Variants in SDCCAG8 observed in about 807,000 individuals in gnomAD.
The protein encoded by SDCCAG8 is SHH signaling and ciliogenesis regulator SDCCAG8.
A neutral mutation model predicts 101.8 loss-of-function variants in SDCCAG8; 74 were observed. That is an observed-to-expected ratio of 0.73 (90% confidence interval 0.60 to 0.88). SDCCAG8 has a LOEUF of 0.88. SDCCAG8 is among the 40% of genes least tolerant of loss of function. SDCCAG8 has a pLI of 0.00. For synonymous variants in SDCCAG8, 281 were observed against 292.9 expected, an observed-to-expected ratio of 0.96 and a Z score of 0.41; for missense variants, 787 against 822.6, an observed-to-expected ratio of 0.96 and a Z score of 0.53.
chr1:243,364,888 T>TA (rs1379046874), intron 12 of SDCCAG8, among the ~76,000 whole-genome samples: 26 of 152,312 alleles, frequency 1.7e-4, no homozygotes, highest in African/African-American at 5.5e-4. Flanking sequence ...GAATAAGTCT[T>TA]ACATTTGTTC....
chr1:243,273,081 C>T (rs2068227325), intron 3 of SDCCAG8, among the ~76,000 whole-genome samples: 1 of 152,124 alleles, frequency 6.6e-6, no homozygotes. Context: ...GAACCTATTG[C>T]TATTAATGGA....
At chr1:243,311,507 A>G (rs763335345) in intron 8 of SDCCAG8, among the ~76,000 whole-genome samples, 2 of 152,220 alleles carry the variant, frequency 1.3e-5, no homozygotes, top group Non-Finnish European at 2.9e-5. Context: ...GCCTTTAACA[A>G]TATTGGTAAC....
intron 16 of SDCCAG8, among the ~76,000 whole-genome samples, chr1:243,485,096 G>C (rs1664537506): frequency 6.6e-6 from 1 of 152,070 alleles, no homozygotes; most frequent in African/African-American, 2.4e-5. Context: ...AGCAAGGCTT[G>C]GTTCGTTTGG....
At chr1:243,273,885 A>G (rs964454526) in intron 3 of SDCCAG8, among the ~76,000 whole-genome samples, 6 of 152,210 alleles carry the variant, frequency 3.9e-5, no homozygotes, top group Non-Finnish European at 7.3e-5. Flanking sequence ...TGTGCTTTTT[A>G]TAACCACTTT....
Position 243,308,004 on chromosome 1 carries a change from A to C in SDCCAG8, c.756A>C (p.Glu252Asp). The C allele has an allele frequency of 6.2e-7, 1 of 1,614,040 alleles. No homozygotes were observed. Among genetic ancestry groups the C allele is most frequent in the East Asian group, 2.2e-5 (1 of 44,878 alleles). ...CTCTTTTTAGGAACGACTTAGCTGA[A>C]TATCAGAGAACTTGTGAAGATCTTA... ...QLKFLRNDLAEYQRTCEDLKE... is the reference protein window; with the variant it reads ...QLKFLRNDLADYQRTCEDLKE... The change falls in exon 8 of 18, where the codon GAA becomes GAC. Residue 252 changes from glutamate (E) to aspartate (D), a missense_variant. Physicochemically the swap from Glu to Asp is conservative, Grantham distance 45 (BLOSUM62 2). Coordinates refer to ENST00000366541, the MANE Select transcript of SDCCAG8 (RefSeq NM_006642.5).
At chr1:243,332,493 T>C (rs920832643) in intron 10 of SDCCAG8, among the ~76,000 whole-genome samples, 1 of 151,444 alleles carries the variant, frequency 6.6e-6, no homozygotes, top group African/African-American at 2.4e-5. Context: ...TGGAGGTGAT[T>C]ATCATAATCC....
At chr1:243,381,834 A>G (rs530362804) in intron 13 of SDCCAG8, among the ~76,000 whole-genome samples, 1 of 152,354 alleles carries the variant, frequency 6.6e-6, no homozygotes, top group African/African-American at 2.4e-5. Flanking sequence ...CAATGATAAA[A>G]GTGATGATTA....
intron 1 of SDCCAG8, chr1:243,268,251 G>C (rs1043057092): frequency 5.5e-6 from 2 of 362,010 alleles, no homozygotes; most frequent in Non-Finnish European, 1.0e-5. Flanking sequence ...TTTTATTCGT[G>C]GATTTAAGGG....
chr1:243,428,775 T>TA (rs2148050066), intron 16 of SDCCAG8, among the ~76,000 whole-genome samples: 1 of 152,334 alleles, frequency 6.6e-6, no homozygotes, highest in South Asian at 2.1e-4. Context: ...GGTGCAGTAT[T>TA]AGATCGTAAC....
At chr1:243,476,132 T>C (rs1662370649) in intron 16 of SDCCAG8, 1 of 985,438 alleles carries the variant, frequency 1.0e-6, no homozygotes, top group Non-Finnish European at 1.2e-6. Flanking sequence ...CAGAATTCCT[T>C]TGGCTGCAGA....
intron 12 of SDCCAG8, among the ~76,000 whole-genome samples, chr1:243,348,506 G>A (rs1428062487): frequency 1.3e-5 from 2 of 152,056 alleles, no homozygotes; most frequent in African/African-American, 4.8e-5. Flanking sequence ...CTCCCCCAGT[G>A]CCCTGGTCCC....
intron 16 of SDCCAG8, among the ~76,000 whole-genome samples, chr1:243,438,970 G>C (rs1171633562): frequency 6.6e-6 from 1 of 152,156 alleles, no homozygotes. Context: ...CTTCAATGAA[G>C]ATGCTGCCAA....
intron 17 of SDCCAG8, among the ~76,000 whole-genome samples, chr1:243,491,844 G>A (rs1462689393): frequency 2.0e-5 from 3 of 152,176 alleles, no homozygotes; most frequent in Admixed American, 1.3e-4. Flanking sequence ...CCTCATGTCC[G>A]GGTTAGAGAT....
chr1:243,405,497 C>A (rs1191834262), intron 13 of SDCCAG8, among the ~76,000 whole-genome samples: 1 of 152,108 alleles, frequency 6.6e-6, no homozygotes, highest in Non-Finnish European at 1.5e-5. Flanking sequence ...CTATTAAGCC[C>A]TTAAAGATCT....
chr1:243,492,974 G>A (rs1045612618), intron 17 of SDCCAG8, among the ~76,000 whole-genome samples: 12 of 152,054 alleles, frequency 7.9e-5, no homozygotes, highest in Non-Finnish European at 1.6e-4. Flanking sequence ...ACCTGGGTTC[G>A]GAAACAACTT....
At position 243,473,102 on chromosome 1, in the gene SDCCAG8, G is replaced by A. The variant is rs114919552; in HGVS notation, c.1986-15912G>A. Among the ~76,000 whole-genome samples the A allele has an allele frequency of 2.2e-3, 331 of 151,188 alleles. 1 individual carries two copies. Among genetic ancestry groups the A allele is most frequent in the African/African-American group, 8.0e-3 (328 of 41,166 alleles). On this transcript the variant is annotated intron_variant, in intron 16 of 17. Transcript: ENST00000366541. ...TAGGATCTCTGCGGGGGTGTGGGGG[G>A]TGTGTCTGTAGAAAGCATAATTTTG...
intron 17 of SDCCAG8, among the ~76,000 whole-genome samples, chr1:243,491,339 G>A (rs1009261611): frequency 3.9e-5 from 6 of 152,142 alleles, no homozygotes; most frequent in Non-Finnish European, 8.8e-5. Flanking sequence ...TTTGCCTGAA[G>A]CAACAGCAAT....
At chr1:243,484,123 T>C (rs2148239987) in intron 16 of SDCCAG8, among the ~76,000 whole-genome samples, 1 of 152,372 alleles carries the variant, frequency 6.6e-6, no homozygotes, top group African/African-American at 2.4e-5. Flanking sequence ...ACGTCTCTTC[T>C]ACGCCAGGCC....
At chr1:243,374,554 C>A (rs1476915988) in intron 12 of SDCCAG8, among the ~76,000 whole-genome samples, 1 of 151,996 alleles carries the variant, frequency 6.6e-6, no homozygotes, top group Non-Finnish European at 1.5e-5. Context: ...CTTAAAAATC[C>A]TGAATGAAAA....
Sources: gnomAD v4.1 joint callset for allele counts (sites outside exome capture counted in the v4.1 genomes callset) on GRCh38, gnomAD v4.1.1 for gene constraint, MANE v1.5 for transcripts, NCBI Gene and HGNC (gene_info 2026-07-23, HGNC 2026-07-21) for gene names.